Variants in METTL16 observed in about 807,000 individuals in gnomAD.
The protein encoded by METTL16 is RNA N(6)-adenosine-methyltransferase METTL16.
A neutral mutation model predicts 57.9 loss-of-function variants in METTL16; 19 were observed. The observed-to-expected ratio is 0.33, with a 90% CI of 0.23 to 0.48. The LOEUF (loss-of-function observed/expected upper bound fraction) is 0.48, where lower values mean the gene tolerates loss of function less well. METTL16 is among the 20% of genes least tolerant of loss of function. METTL16 has a pLI of 0.99. For synonymous variants in METTL16, 246 were observed against 255.6 expected (o/e 0.96, Z 0.36); for missense variants, 434 against 691.5 (o/e 0.63, Z 4.18).
intron 3 of METTL16, among the ~76,000 whole-genome samples, chr17:2,476,925 C>T (rs1411789391): frequency 3.4e-5 from 5 of 149,244 alleles, no homozygotes; most frequent in Non-Finnish European, 7.4e-5. Context: ...TATTGCACTC[C>T]AGCCTGGGCG....
intron 1 of METTL16, among the ~76,000 whole-genome samples, chr17:2,508,666 T>C (rs938170450): frequency 6.6e-6 from 1 of 152,080 alleles, no homozygotes; most frequent in Non-Finnish European, 1.5e-5. Flanking sequence ...CAAACTGATC[T>C]CTTCATAAAC....
chr17:2,465,246 T>C (rs770637815), intron 5 of METTL16, among the ~76,000 whole-genome samples: 44 of 151,724 alleles, frequency 2.9e-4, no homozygotes, highest in Admixed American at 1.2e-3. Flanking sequence ...ATGGCTATAA[T>C]CAAAAAGACA....
intron 2 of METTL16, among the ~76,000 whole-genome samples, chr17:2,485,297 C>G (rs1191618990): frequency 1.3e-5 from 2 of 152,140 alleles, no homozygotes; most frequent in Non-Finnish European, 2.9e-5. Flanking sequence ...TGAGGGGAAA[C>G]AAGCTGCGGG....
Position 2,420,772 on chromosome 17 carries a change from C to T in METTL16, c.1021G>A (p.Val341Ile), listed in dbSNP as rs187850737. Residue 341 changes from valine to isoleucine, a missense_variant, in exon 9 of 10, where the codon GTT (valine) becomes ATT (isoleucine). Val to Ile is a conservative substitution (Grantham distance 29, BLOSUM62 3). Around this residue, in one of 5 missense-constraint regions of METTL16, gnomAD observed 96 missense variants for 138.3 expected, o/e 0.69. Coordinates refer to ENST00000263092, the MANE Select transcript of METTL16 (RefSeq NM_024086.4). The surrounding 1 kb of genome is among the most constrained non-coding windows in gnomAD (Gnocchi z 5.4). ...LRSETAEGIVVVTTWIEKILT... is the reference protein window; with the variant it reads ...LRSETAEGIVIVTTWIEKILT... ...ATTTTTTCAATCCATGTCGTGACAACGACTATGCCTTCCGCCGTCTCCGAG... is the reference window on the plus strand; with the variant it reads ...ATTTTTTCAATCCATGTCGTGACAATGACTATGCCTTCCGCCGTCTCCGAG... The T allele has an allele frequency of 1.8e-5, 29 of 1,614,130 alleles. No individual in the cohort carries two copies. In the Admixed American group the frequency reaches 2.2e-4, roughly 12 times the overall value.
chr17:2,448,818 A>AT (rs2067045730), intron 6 of METTL16, among the ~76,000 whole-genome samples: 7,279 of 137,834 alleles, frequency 0.053, 871 homozygotes, highest in African/African-American at 0.2. Flanking sequence ...AAAAAAAAAA[A>AT]AAAAAAAAGA....
intron 6 of METTL16, among the ~76,000 whole-genome samples, chr17:2,452,773 A>G (rs1166151072): frequency 6.6e-6 from 1 of 152,238 alleles, no homozygotes; most frequent in Non-Finnish European, 1.5e-5. Context: ...TTTGAGAATC[A>G]GTTACAGACA....
At chr17:2,493,266 T>C (rs996051153) in intron 2 of METTL16, among the ~76,000 whole-genome samples, 1 of 151,562 alleles carries the variant, frequency 6.6e-6, no homozygotes, top group Admixed American at 6.6e-5. Flanking sequence ...TTTTTTTGTA[T>C]TTTTAGTAGA....
intron 5 of METTL16, among the ~76,000 whole-genome samples, chr17:2,465,445 G>A (rs186620609): frequency 0.011 from 1,620 of 151,348 alleles, 16 homozygotes; most frequent in Non-Finnish European, 0.017. Flanking sequence ...TACTCGGGGG[G>A]CTGAGGCAGG....
chr17:2,447,852 G>C (rs1479475425), intron 6 of METTL16, among the ~76,000 whole-genome samples: 1 of 97,462 alleles, frequency 1.0e-5, no homozygotes, highest in Non-Finnish European at 1.9e-5. Context: ...GGAGGGAGGT[G>C]GGGGGTCAGC....
At chr17:2,486,395 C>T (rs960148076) in intron 2 of METTL16, among the ~76,000 whole-genome samples, 6 of 151,886 alleles carry the variant, frequency 4.0e-5, no homozygotes, top group African/African-American at 1.5e-4. Context: ...CCTCAGCCTC[C>T]CGAGTAGCTG....
intron 2 of METTL16, among the ~76,000 whole-genome samples, chr17:2,498,553 A>G (rs2067463417): frequency 6.6e-6 from 1 of 151,236 alleles, no homozygotes; most frequent in Non-Finnish European, 1.5e-5. Context: ...AGCCTGGCCA[A>G]CATGTTGAAA....
intron 5 of METTL16, among the ~76,000 whole-genome samples, chr17:2,465,270 G>A (rs991879235): frequency 4.0e-5 from 6 of 151,072 alleles, no homozygotes; most frequent in Admixed American, 1.3e-4. Flanking sequence ...CAGGCCGGGC[G>A]CGGTGGCTCA....
chr17:2,448,802 T>TAAAAA (rs71150866), intron 6 of METTL16, among the ~76,000 whole-genome samples: 5 of 43,630 alleles, frequency 1.1e-4, no homozygotes, highest in African/African-American at 3.9e-4. Flanking sequence ...AAATAAAATT[T>TAAAAA]AAAAAAAAAA....
chr17:2,454,684 C>T (rs1387284026), intron 6 of METTL16, among the ~76,000 whole-genome samples: 1 of 150,940 alleles, frequency 6.6e-6, no homozygotes, highest in Non-Finnish European at 1.5e-5. Flanking sequence ...CCCATCTCAG[C>T]CTCCCAAGTA....
intron 2 of METTL16, among the ~76,000 whole-genome samples, chr17:2,496,719 A>G (rs1390622168): frequency 1.3e-5 from 2 of 151,572 alleles, no homozygotes; most frequent in East Asian, 1.9e-4. Flanking sequence ...CTAATCCCCA[A>G]TGCCAACAGT....
chr17:2,474,742 A>G (rs996550785), intron 3 of METTL16, among the ~76,000 whole-genome samples: 1 of 152,228 alleles, frequency 6.6e-6, no homozygotes, highest in Non-Finnish European at 1.5e-5. Context: ...CCTGGCCAAC[A>G]TGGTGAAACC....
intron 6 of METTL16, among the ~76,000 whole-genome samples, chr17:2,462,170 T>A (rs1402917698): frequency 1.3e-5 from 2 of 152,282 alleles, no homozygotes; most frequent in Admixed American, 6.5e-5. Context: ...TTCTGAAATA[T>A]GCTGCATCAT....
intron 2 of METTL16, among the ~76,000 whole-genome samples, chr17:2,495,751 G>A (rs11870277): frequency 0.024 from 3,606 of 150,748 alleles, 79 homozygotes; most frequent in Middle Eastern, 0.044. Context: ...AGTCTGACGG[G>A]CTCAAGACTT....
intron 8 of METTL16, among the ~76,000 whole-genome samples, chr17:2,428,942 T>A (rs2066847756): frequency 6.6e-6 from 1 of 152,096 alleles, no homozygotes. Context: ...CACCGCAACC[T>A]CTGCCTCCTG....
Sources: gnomAD v4.1 joint callset for allele counts (sites outside exome capture counted in the v4.1 genomes callset) on GRCh38, gnomAD v4.1.1 for gene constraint, gnomAD v4.1.1 regional missense constraint, Gnocchi (gnomAD v3.1) non-coding constraint, MANE v1.5 for transcripts, NCBI Gene and HGNC (gene_info 2026-07-23, HGNC 2026-07-21) for gene names.